ADAMTS14: variants seen among roughly 807,000 people sequenced by gnomAD.
ADAMTS14 encodes A disintegrin and metalloproteinase with thrombospondin motifs 14.
Under a neutral mutation model 128.6 loss-of-function variants are expected in ADAMTS14, and 100 were observed. The ratio of observed to expected loss-of-function variants is 0.78; its 90% CI spans 0.66 to 0.92. ADAMTS14 has a LOEUF of 0.92. Among genes scored for constraint, ADAMTS14 ranks in the 40% least tolerant of loss-of-function variants. ADAMTS14 has a pLI of 0.00. For synonymous variants in ADAMTS14, 665 were observed against 653.8 expected (o/e 1.02, Z -0.26); for missense variants, 1,562 against 1,658.6 (o/e 0.94, Z 1.01).
chr10:70,708,811 A>AGGGGG (rs1840747840), intron 4 of ADAMTS14, 33 bp downstream of exon 4: 2 of 419,250 alleles, frequency 4.8e-6, no homozygotes, highest in Non-Finnish European at 4.5e-6. Context: ...ACTTGGGGGG[A>AGGGGG]GTGGGGTGGG....
At position 70,740,433 on chromosome 10, in the gene ADAMTS14, C is replaced by G. The variant is rs550556126; in HGVS notation, c.1749-554C>G. 3.0e-4 allele frequency among the ~76,000 whole-genome samples: 46 copies of G among 152,330 alleles called. 1 individual carries two copies. In the South Asian group the frequency reaches 4.8e-3, roughly 16 times the overall value. On this transcript the variant is annotated intron_variant, in intron 11 of 21. Transcript: ENST00000373207. ...AGTAAAATAAGAGGGATTATAGTCC[C>G]TGTTTTCAAGGGGAAATTAAGCCAC...
intron 4 of ADAMTS14, among the ~76,000 whole-genome samples, chr10:70,717,990 T>C (rs1564535840): frequency 6.6e-6 from 1 of 152,230 alleles, no homozygotes; most frequent in Non-Finnish European, 1.5e-5. Context: ...ATAGAAGAGC[T>C]TGGTGCCTGT....
At chr10:70,701,559 G>A (rs978113410) in intron 2 of ADAMTS14, among the ~76,000 whole-genome samples, 1 of 152,180 alleles carries the variant, frequency 6.6e-6, no homozygotes, top group Admixed American at 6.5e-5. Context: ...CTAGTTGTAT[G>A]TTTCATTGGC....
intron 11 of ADAMTS14, 92 bp downstream of exon 11, chr10:70,739,082 A>G: frequency 6.9e-7 from 1 of 1,447,764 alleles, no homozygotes; most frequent in Non-Finnish European, 9.2e-7. Context: ...ACAGTGCAGG[A>G]GAGAAGGGCC....
chr10:70,681,503 A>G (rs1839800857), intron 2 of ADAMTS14, among the ~76,000 whole-genome samples: 1 of 152,188 alleles, frequency 6.6e-6, no homozygotes, highest in African/African-American at 2.4e-5. Context: ...ATGGGGAGCC[A>G]TGGAGGTTTG....
At chr10:70,747,741 C>T (rs1226692714) in intron 15 of ADAMTS14, among the ~76,000 whole-genome samples, 1 of 152,168 alleles carries the variant, frequency 6.6e-6, no homozygotes, top group Non-Finnish European at 1.5e-5. Flanking sequence ...TTAGAGTTTT[C>T]CGGGGAGCCT....
intron 3 of ADAMTS14, among the ~76,000 whole-genome samples, chr10:70,704,668 C>G (rs1415085058): frequency 6.7e-6 from 1 of 150,016 alleles, no homozygotes; most frequent in Non-Finnish European, 1.5e-5. Flanking sequence ...CACACTGACA[C>G]AAACACACGC....
At chr10:70,695,483 C>G (rs1840307321) in intron 2 of ADAMTS14, among the ~76,000 whole-genome samples, 1 of 152,092 alleles carries the variant, frequency 6.6e-6, no homozygotes, top group Admixed American at 6.5e-5. Context: ...GACAACAGCC[C>G]CGGATGGCCC....
Position 70,674,663 on chromosome 10 carries a change from T to G in ADAMTS14, c.190T>G (p.Ser64Ala). The change falls in exon 2 of 22, where the codon TCT becomes GCT. Residue 64 changes from serine (S) to alanine (A), a missense_variant. Transcript: ENST00000373207. ...CGTGGTGTCTGGCCCAGCAGCAGCCTCTGCAGGGAGCATGGTAGTGGACAC... is the reference window on the plus strand; with the variant it reads ...CGTGGTGTCTGGCCCAGCAGCAGCCGCTGCAGGGAGCATGGTAGTGGACAC... ...SHVVSGPAAASAGSMVVDTPP... is the reference protein window; with the variant it reads ...SHVVSGPAAAAAGSMVVDTPP... The G allele has an allele frequency of 1.2e-6, 2 of 1,613,620 alleles. No individual in the cohort carries two copies. Among genetic ancestry groups the G allele is most frequent in the Non-Finnish European group, 1.7e-6 (2 of 1,180,030 alleles).
At chr10:70,676,234 G>T (rs1428213718) in intron 2 of ADAMTS14, among the ~76,000 whole-genome samples, 1 of 152,004 alleles carries the variant, frequency 6.6e-6, no homozygotes, top group Non-Finnish European at 1.5e-5. Context: ...CGAACTCCTG[G>T]CCTCCAGCCA....
In ADAMTS14 at chr10:70,689,531, A is replaced by G. The variant is rs996999851; in HGVS notation, c.523-12781A>G. Among the ~76,000 whole-genome samples the G allele has an allele frequency of 9.6e-5, 14 of 145,448 alleles. 1 individual carries two copies. Among genetic ancestry groups the G allele is most frequent in the African/African-American group, 2.9e-4 (12 of 41,032 alleles). On this transcript the variant is annotated intron_variant, in intron 2 of 21. Coordinates refer to ENST00000373207, the MANE Select transcript of ADAMTS14 (RefSeq NM_080722.4). ...CCCATGGGAACTGTGGCTCTGGTAC[A>G]GAACGGGTCCTGTGTGGCTCCATTG...
At chr10:70,702,280 C>T in intron 2 of ADAMTS14, 32 bp from the exon 3 acceptor site, 2 of 1,613,666 alleles carry the variant, frequency 1.2e-6, no homozygotes, top group Non-Finnish European at 1.7e-6. Context: ...TCTTATTTCT[C>T]TCTTTCCCGC....
intron 4 of ADAMTS14, among the ~76,000 whole-genome samples, chr10:70,724,822 C>G (rs1352300178): frequency 6.6e-6 from 1 of 151,992 alleles, no homozygotes; most frequent in East Asian, 1.9e-4. Flanking sequence ...AAAATAAAAG[C>G]AGTTTATTTT....
rs1404639808 is a variant in ADAMTS14, at chr10:70,753,794, T to C, written c.2730-6T>C. 3 of 1,564,444 alleles carry C rather than the reference T, an allele frequency of 1.9e-6. No individual in the cohort carries two copies. In the African/African-American group the frequency reaches 4.0e-5, roughly 21 times the overall value. On this transcript the variant is annotated splice_region_variant and splice_polypyrimidine_tract_variant and intron_variant, in intron 18 of 21. Coordinates refer to ENST00000373207, the MANE Select transcript of ADAMTS14 (RefSeq NM_080722.4). Reference sequence around the variant, plus strand: ...CTCACCTCCTCTCCTTTCACCCTGTTTCCAGGTGGGTGACGGAGGAGTGGG... The same window carrying C: ...CTCACCTCCTCTCCTTTCACCCTGTCTCCAGGTGGGTGACGGAGGAGTGGG...
intron 4 of ADAMTS14, among the ~76,000 whole-genome samples, chr10:70,709,746 C>T (rs1022810147): frequency 4.6e-5 from 7 of 152,072 alleles, no homozygotes; most frequent in African/African-American, 1.2e-4. Flanking sequence ...GTGATCCGCC[C>T]GCCTCAGCCT....
rs962926914 is a variant in ADAMTS14 at position 70,753,883 on chromosome 10, C to T, written c.2813C>T (p.Pro938Leu). ...ACACGGGGGATACAGTGCCTGCTGCCCCTCTCCAATGGAACCCACAAGGTC... is the reference window on the plus strand; with the variant it reads ...ACACGGGGGATACAGTGCCTGCTGCTCCTCTCCAATGGAACCCACAAGGTC... ...VQTRGIQCLLPLSNGTHKVMP... is the reference protein window; with the variant it reads ...VQTRGIQCLLLLSNGTHKVMP... The change falls in exon 19 of 22, where the codon CCC (proline) becomes CTC (leucine). Residue 938 changes from proline (P) to leucine (L), a missense_variant. Coordinates refer to ENST00000373207, the MANE Select transcript of ADAMTS14 (RefSeq NM_080722.4). 2 of 1,592,034 alleles carry T rather than the reference C, an allele frequency of 1.3e-6. No homozygotes were observed. Among genetic ancestry groups the T allele is most frequent in the Non-Finnish European group, 1.7e-6 (2 of 1,170,396 alleles).
intron 2 of ADAMTS14, among the ~76,000 whole-genome samples, chr10:70,682,793 A>T (rs1839850666): frequency 6.7e-6 from 1 of 148,848 alleles, no homozygotes; most frequent in Non-Finnish European, 1.5e-5. Flanking sequence ...TTGGCCTTGG[A>T]CCCCCTCAGG....
rs34825563 is a variant in ADAMTS14 at position 70,736,786 on chromosome 10, C to A, written c.1592C>A (p.Pro531His). The change falls in exon 10 of 22, where the codon CCC becomes CAC. Residue 531 changes from proline (P) to histidine (H), a missense_variant. Physicochemically the swap from Pro to His is moderately conservative, Grantham distance 77. Transcript: ENST00000373207. Reference sequence around the variant, plus strand: ...CCGCTGGATGGGACTGAGTGTGCACCCGGCAAGGTACCTGTGGGGTGTGCA... The same window carrying A: ...CCGCTGGATGGGACTGAGTGTGCACACGGCAAGGTACCTGTGGGGTGTGCA... Reference protein sequence around the residue: ...GPPLDGTECAPGKWCFKGHCI... With the variant: ...GPPLDGTECAHGKWCFKGHCI... The A allele has an allele frequency of 1.2e-5, 19 of 1,613,448 alleles. No individual in the cohort carries two copies. Among genetic ancestry groups the A allele is most frequent in the Non-Finnish European group, 1.6e-5 (19 of 1,179,658 alleles).
At chr10:70,731,103 C>T (rs866925257) in intron 6 of ADAMTS14, among the ~76,000 whole-genome samples, 1 of 150,700 alleles carries the variant, frequency 6.6e-6, no homozygotes, top group Middle Eastern at 3.4e-3. Context: ...TACAGACATC[C>T]ACACACATGT....
Sources: gnomAD v4.1 joint callset for allele counts (sites outside exome capture counted in the v4.1 genomes callset) on GRCh38, gnomAD v4.1.1 for gene constraint, MANE v1.5 for transcripts, NCBI Gene and HGNC (gene_info 2026-07-23, HGNC 2026-07-21) for gene names.